RBPJ: variants seen among roughly 807,000 people sequenced by gnomAD.
RBPJ encodes recombination signal binding protein for immunoglobulin kappa J region, also known as recombining binding protein suppressor of hairless.
RBPJ carries 9 observed loss-of-function variants against 67.8 expected under a neutral mutation model. That is an observed-to-expected ratio of 0.13 (90% confidence interval 0.08 to 0.23). The LOEUF (loss-of-function observed/expected upper bound fraction) is 0.23. Among genes scored for constraint, RBPJ ranks in the 10% least tolerant of loss-of-function variants. The pLI, the probability that RBPJ is intolerant of heterozygous loss-of-function variation, is 1.00. For missense variants in RBPJ, 305 were observed against 595.6 expected, an observed-to-expected ratio of 0.51 and a Z score of 5.08; for synonymous variants, 198 against 203.3, an observed-to-expected ratio of 0.97 and a Z score of 0.22.
At chr4:26,252,786 G>GA (rs1720156965) in intron 1 of RBPJ, among the ~76,000 whole-genome samples, 1 of 152,130 alleles carries the variant, frequency 6.6e-6, no homozygotes, top group Non-Finnish European at 1.5e-5. Flanking sequence ...TTTTGCTGGA[G>GA]AAAATCAGCT....
the RBPJ span, among the ~76,000 whole-genome samples, chr4:26,157,787 T>C: frequency 6.6e-6 from 1 of 152,208 alleles, no homozygotes; most frequent in Non-Finnish European, 1.5e-5. Context: ...CTGCCCTCTC[T>C]TGCTTCCCTG....
At chr4:26,244,183 G>GTGTC in intron 1 of RBPJ, among the ~76,000 whole-genome samples, 1 of 147,912 alleles carries the variant, frequency 6.8e-6, no homozygotes, top group East Asian at 2.0e-4. Flanking sequence ...ACACATATAT[G>GTGTC]TATACATATA....
At chr4:26,215,282 GA>G (rs1718663160) in intron 1 of RBPJ, among the ~76,000 whole-genome samples, 3 of 133,738 alleles carry the variant, frequency 2.2e-5, no homozygotes, top group Non-Finnish European at 3.2e-5. Flanking sequence ...GAAAAAGAGA[GA>G]GAAAGAAAGA....
chr4:26,196,262 AG>A (rs1167368652), intron 1 of RBPJ, among the ~76,000 whole-genome samples: 2 of 152,248 alleles, frequency 1.3e-5, no homozygotes, highest in Non-Finnish European at 2.9e-5. Context: ...AAAGGAATGA[AG>A]TATTGATACC....
chr4:26,192,748 C>CA (rs1241280710), intron 1 of RBPJ, among the ~76,000 whole-genome samples: 1 of 152,172 alleles, frequency 6.6e-6, no homozygotes, highest in African/African-American at 2.4e-5. Flanking sequence ...GCCTCGCTGC[C>CA]ATGTAAGCCC....
chr4:26,251,962 T>C (rs987154130), intron 1 of RBPJ, among the ~76,000 whole-genome samples: 1 of 151,818 alleles, frequency 6.6e-6, no homozygotes, highest in African/African-American at 2.4e-5. Context: ...TCAGAAAGAC[T>C]ATAATGATGT....
intron 1 of RBPJ, among the ~76,000 whole-genome samples, chr4:26,381,700 G>A (rs1730347610): frequency 1.3e-5 from 2 of 152,146 alleles, no homozygotes; most frequent in African/African-American, 4.8e-5. Flanking sequence ...CCCACTATCA[G>A]CCTGAGGGAA....
chr4:26,197,521 ACT>A (rs1717812485), intron 1 of RBPJ, among the ~76,000 whole-genome samples: 2 of 151,956 alleles, frequency 1.3e-5, no homozygotes, highest in Non-Finnish European at 2.9e-5. Context: ...CCAGCAACAC[ACT>A]CTGCTGCTAA....
chr4:26,378,455 G>T (rs2109587885), intron 1 of RBPJ, among the ~76,000 whole-genome samples: 1 of 152,242 alleles, frequency 6.6e-6, no homozygotes, highest in South Asian at 2.1e-4. Flanking sequence ...GTGCTGTCTG[G>T]GTAGTGGGGC....
At chr4:26,144,824 T>A in the RBPJ span, among the ~76,000 whole-genome samples, 1 of 152,172 alleles carries the variant, frequency 6.6e-6, no homozygotes, top group African/African-American at 2.4e-5. Flanking sequence ...CTGACTTTGA[T>A]TCCGGAGCCA....
At chr4:26,115,660 G>A in the RBPJ span, among the ~76,000 whole-genome samples, 1 of 152,114 alleles carries the variant, frequency 6.6e-6, no homozygotes, top group African/African-American at 2.4e-5. Flanking sequence ...CTGGGATTCA[G>A]TATAAGTTTT....
rs1228987612 is a variant in RBPJ, at chr4:26,254,932, T to C, written c.-167+91318T>C. On this transcript the variant is annotated intron_variant, in intron 1 of 4. Transcript: ENST00000512351. ...CGAGACCAAGCTGGTCTTGAACTCA[T>C]CTGAAGTGATCCACCGGCCTTGGCC... Among the ~76,000 whole-genome samples the C allele has an allele frequency of 1.1e-4, 14 of 126,828 alleles. No individual in the cohort carries two copies. The East Asian group carries it at 2.1e-3, about 19-fold the overall frequency. The allele number at this position is 126,828 out of a possible 152,430, so 83.2% of individuals were successfully genotyped here. A position where few individuals can be genotyped will look rare whatever the true frequency, so the allele number is the denominator to read the frequency against.
intron 1 of RBPJ, among the ~76,000 whole-genome samples, chr4:26,346,540 G>A (rs1286929263): frequency 1.3e-5 from 2 of 152,204 alleles, no homozygotes; most frequent in African/African-American, 4.8e-5. Context: ...TGACATCTAT[G>A]TCTGTAGCTC....
intron 1 of RBPJ, among the ~76,000 whole-genome samples, chr4:26,345,797 C>T (rs900176747): frequency 1.3e-5 from 2 of 152,092 alleles, no homozygotes; most frequent in African/African-American, 2.4e-5. Context: ...AGATGACTAC[C>T]CCATCCCGTA....
At position 26,169,931 on chromosome 4, in the gene RBPJ, C is replaced by T. The variant is rs181378529; in HGVS notation, c.-167+6317C>T. Among the ~76,000 whole-genome samples the T allele has an allele frequency of 6.5e-3, 996 of 152,260 alleles. 6 individuals are homozygous for T. The highest frequency in any genetic ancestry group is 0.012 in the Admixed American group (186 of 15,294). On this transcript the variant is annotated intron_variant, in intron 1 of 4. Transcript: ENST00000512351. ...CCATTTCCTAAGCCCGTCAGAAAAG[C>T]GCAGTATTTGGGTGGGTGTGGCCCG...
At chr4:26,359,526 G>A (rs1727798832) in intron 1 of RBPJ, among the ~76,000 whole-genome samples, 1 of 151,292 alleles carries the variant, frequency 6.6e-6, no homozygotes, top group African/African-American at 2.4e-5. Flanking sequence ...GGTTCCCTTG[G>A]CAAACTGCAG....
intron 1 of RBPJ, among the ~76,000 whole-genome samples, chr4:26,288,686 C>T (rs1042740654): frequency 6.6e-6 from 1 of 152,214 alleles, no homozygotes; most frequent in Admixed American, 6.5e-5. Flanking sequence ...ACTAGAGTGG[C>T]TCAGCCCTGC....
At chr4:26,241,209 A>T (rs6853168) in intron 1 of RBPJ, among the ~76,000 whole-genome samples, 29,757 of 142,800 alleles carry the variant, frequency 0.21, 2,924 homozygotes, top group Non-Finnish European at 0.24. Context: ...AAAATAAAAA[A>T]AAAAAAAAAA....
chr4:26,378,367 T>A (rs939764184), intron 1 of RBPJ, among the ~76,000 whole-genome samples: 4 of 151,830 alleles, frequency 2.6e-5, no homozygotes, highest in Non-Finnish European at 5.9e-5. Context: ...TTTAAAAAAA[T>A]TCTTTTTGAG....
Sources: allele counts gnomAD v4.1 joint callset (sites outside exome capture counted in the v4.1 genomes callset), GRCh38; gene constraint gnomAD v4.1.1; transcripts MANE v1.5; gene names NCBI Gene and HGNC (gene_info 2026-07-23, HGNC 2026-07-21).